FLT1: variants seen among roughly 807,000 people sequenced by gnomAD.
FLT1 encodes the protein vascular endothelial growth factor receptor 1.
FLT1 carries 49 observed loss-of-function variants against 156.3 expected under a neutral mutation model. The observed-to-expected ratio is 0.31, with a 90% CI of 0.25 to 0.40. FLT1 has a LOEUF of 0.40. Among genes scored for constraint, FLT1 ranks in the 10% least tolerant of loss-of-function variants. The pLI is 1.00. For synonymous variants in FLT1, 594 were observed against 583.8 expected, an observed-to-expected ratio of 1.02 and a Z score of -0.25; for missense variants, 1,322 against 1,637.2, an observed-to-expected ratio of 0.81 and a Z score of 3.32.
At position 28,430,151 on chromosome 13, in the gene FLT1, A is replaced by T; in HGVS notation, c.1005T>A (p.Thr335=). Reference sequence around the variant, plus strand: ...GCACCTGCTGTTTTCGATGTTTCACAGTGATGAATGCTTTATCTTTGAAAG... The same window carrying T: ...GCACCTGCTGTTTTCGATGTTTCACTGTGATGAATGCTTTATCTTTGAAAG... ...SVHIYDKAFI[T]VKHRKQQVLE... Residue 335 remains threonine (T), a synonymous_variant, in exon 8 of 30, where the codon ACT becomes ACA. Coordinates refer to ENST00000282397, the MANE Select transcript of FLT1 (RefSeq NM_002019.4). 6.2e-7 allele frequency: 1 copy of T among 1,612,126 alleles called. No individual in the cohort carries two copies. The highest frequency in any genetic ancestry group is 1.1e-5 in the South Asian group (1 of 91,044).
intron 1 of FLT1, among the ~76,000 whole-genome samples, chr13:28,494,261 C>T (rs1023489026): frequency 2.0e-5 from 3 of 152,252 alleles, no homozygotes; most frequent in African/African-American, 4.8e-5. Flanking sequence ...CCCTCCTACA[C>T]TCTCGTGACG....
intron 7 of FLT1, among the ~76,000 whole-genome samples, chr13:28,430,734 G>A (rs1191792444): frequency 6.6e-6 from 1 of 152,134 alleles, no homozygotes; most frequent in African/African-American, 2.4e-5. Context: ...GAATAAAATA[G>A]CATTAATTCT....
intron 25 of FLT1, among the ~76,000 whole-genome samples, chr13:28,315,524 C>G (rs1871162468): frequency 6.6e-6 from 1 of 152,154 alleles, no homozygotes; most frequent in Non-Finnish European, 1.5e-5. Flanking sequence ...CCACTGCACT[C>G]TAGCCTGGAC....
intron 14 of FLT1, among the ~76,000 whole-genome samples, chr13:28,380,929 A>C (rs924509500): frequency 6.6e-6 from 1 of 152,150 alleles, no homozygotes; most frequent in African/African-American, 2.4e-5. Context: ...AATAGGGGAA[A>C]AAGGGCTCCG....
chr13:28,486,426 A>G (rs1881169950), intron 1 of FLT1, among the ~76,000 whole-genome samples: 1 of 152,252 alleles, frequency 6.6e-6, no homozygotes, highest in African/African-American at 2.4e-5. Flanking sequence ...CCGGAAATGC[A>G]GATACGGAGG....
At position 28,384,868 on chromosome 13, in the gene FLT1, A is replaced by G. The variant is rs771076463; in HGVS notation, c.2116+17T>C. 3.1e-6 allele frequency: 5 copies of G among 1,606,950 alleles called. No homozygotes were observed. Among genetic ancestry groups the G allele is most frequent in the Non-Finnish European group, 4.3e-6 (5 of 1,174,028 alleles). ...AAAGATGAGAAATAATAAATGGAAG[A>G]AAAAAAAGTCTCTTACCAGGCTCTT... On this transcript the variant is annotated intron_variant, in intron 14 of 29. Coordinates refer to ENST00000282397, the MANE Select transcript of FLT1 (RefSeq NM_002019.4).
At chr13:28,394,777 A>T (rs562821532) in intron 12 of FLT1, among the ~76,000 whole-genome samples, 1 of 152,062 alleles carries the variant, frequency 6.6e-6, no homozygotes, top group Non-Finnish European at 1.5e-5. Context: ...AGCCTGTGTC[A>T]CTCCATTCCT....
At chr13:28,376,077 T>A (rs1477626580) in intron 14 of FLT1, among the ~76,000 whole-genome samples, 1 of 152,204 alleles carries the variant, frequency 6.6e-6, no homozygotes, top group Non-Finnish European at 1.5e-5. Context: ...TAAGGTTCCT[T>A]AAGATCTTTC....
chr13:28,326,013 A>G (rs1361433219), intron 20 of FLT1, among the ~76,000 whole-genome samples: 1 of 152,074 alleles, frequency 6.6e-6, no homozygotes, highest in East Asian at 1.9e-4. Flanking sequence ...CCACATTATA[A>G]AGATGGGCAT....
intron 1 of FLT1, among the ~76,000 whole-genome samples, chr13:28,468,064 T>C (rs1324344369): frequency 6.6e-6 from 1 of 152,220 alleles, no homozygotes; most frequent in Non-Finnish European, 1.5e-5. Flanking sequence ...CTGTCTCATC[T>C]TTTTTTCTGA....
intron 3 of FLT1, among the ~76,000 whole-genome samples, chr13:28,457,944 T>C (rs1271367364): frequency 6.9e-6 from 1 of 144,428 alleles, no homozygotes; most frequent in Non-Finnish European, 1.5e-5. Flanking sequence ...TTTTTTTTTT[T>C]TTTTTTTTGT....
chr13:28,327,917 T>C (rs1337553709), intron 19 of FLT1, among the ~76,000 whole-genome samples: 1 of 152,222 alleles, frequency 6.6e-6, no homozygotes, highest in East Asian at 1.9e-4. Flanking sequence ...CTGGTTACTG[T>C]CACACCAGTC....
intron 3 of FLT1, among the ~76,000 whole-genome samples, chr13:28,440,167 C>T (rs555324981): frequency 1.3e-5 from 2 of 152,292 alleles, no homozygotes; most frequent in East Asian, 3.9e-4. Context: ...TGTTACAACA[C>T]GGTCCACAGA....
intron 1 of FLT1, among the ~76,000 whole-genome samples, chr13:28,494,572 GCCA>G (rs1368250274): frequency 6.6e-6 from 1 of 152,198 alleles, no homozygotes; most frequent in African/African-American, 2.4e-5. Flanking sequence ...GTCCAGGCCA[GCCA>G]CTCCTCGAGG....
intron 3 of FLT1, among the ~76,000 whole-genome samples, chr13:28,454,067 C>T (rs2075567450): frequency 6.6e-6 from 1 of 152,094 alleles, no homozygotes; most frequent in South Asian, 2.1e-4. Flanking sequence ...ATGTCCCAGG[C>T]AGAGCACCCC....
chr13:28,424,394 G>A (rs1346822425), intron 10 of FLT1, among the ~76,000 whole-genome samples: 3 of 152,118 alleles, frequency 2.0e-5, no homozygotes, highest in South Asian at 2.1e-4. Flanking sequence ...TAGGCAAAAC[G>A]AAAGCCACAA....
chr13:28,485,321 TG>T (rs1283106924), intron 1 of FLT1, among the ~76,000 whole-genome samples: 1 of 152,084 alleles, frequency 6.6e-6, no homozygotes, highest in Non-Finnish European at 1.5e-5. Flanking sequence ...CTCAGAATCT[TG>T]GGGTCAGCTG....
chr13:28,427,608 T>G, intron 9 of FLT1, 144 bp downstream of exon 9: 1 of 791,238 alleles, frequency 1.3e-6, no homozygotes, highest in Admixed American at 1.9e-5. Context: ...ATTGTTAAGA[T>G]GGGAACTTAA....
intron 14 of FLT1, among the ~76,000 whole-genome samples, chr13:28,376,458 G>C (rs140689193): frequency 6.6e-6 from 1 of 152,282 alleles, no homozygotes; most frequent in African/African-American, 2.4e-5. Context: ...TATTGGTTCA[G>C]GCAGGCTTTA....
Sources: gnomAD v4.1 joint callset for allele counts (sites outside exome capture counted in the v4.1 genomes callset) on GRCh38, gnomAD v4.1.1 for gene constraint, MANE v1.5 for transcripts, NCBI Gene and HGNC (gene_info 2026-07-23, HGNC 2026-07-21) for gene names.